Variants in SDK1 observed in about 807,000 individuals in gnomAD.
SDK1 encodes the protein protein sidekick-1.
SDK1 carries 157 observed loss-of-function variants against 245.5 expected under a neutral mutation model. The ratio of observed to expected loss-of-function variants is 0.64; its 90% CI spans 0.56 to 0.73. The LOEUF is 0.73. SDK1 is among the 30% of genes least tolerant of loss of function. The probability of loss-of-function intolerance (pLI) is 0.00; values close to 1 mark genes in which losing one functional copy is unlikely to be tolerated. For synonymous variants in SDK1, 1,647 were observed against 1,278.5 expected (o/e 1.29, Z -6.15); for missense variants, 3,583 against 3,002.3 (o/e 1.19, Z -4.52).
chr7:3,580,693 G>A (rs1025292026), intron 1 of SDK1, among the ~76,000 whole-genome samples: 2 of 152,138 alleles, frequency 1.3e-5, no homozygotes, highest in African/African-American at 4.8e-5. Flanking sequence ...GATGGGCTGG[G>A]CGTGGTGGCT....
intron 1 of SDK1, among the ~76,000 whole-genome samples, chr7:3,612,043 G>A (rs116282494): frequency 6.6e-6 from 1 of 152,112 alleles, no homozygotes; most frequent in Non-Finnish European, 1.5e-5. Flanking sequence ...TGGGAGCTAA[G>A]CTGTGAGGAT....
intron 40 of SDK1, among the ~76,000 whole-genome samples, chr7:4,231,746 C>T (rs1212334892): frequency 6.6e-6 from 1 of 152,116 alleles, no homozygotes; most frequent in African/African-American, 2.4e-5. Flanking sequence ...AGGACTTAGT[C>T]GGTGCACATT....
At position 3,954,811 on chromosome 7, in the gene SDK1, T is replaced by C. The variant is rs192220751; in HGVS notation, c.1150+2891T>C. On this transcript the variant is annotated intron_variant, in intron 7 of 44. Transcript: ENST00000404826. ...GCAAAAATGTCTGTCACAGAGGCTC[T>C]GAAATAGTGGCTTTAGTTGCTGTTG... Among the ~76,000 whole-genome samples the C allele has an allele frequency of 1.5e-3, 223 of 151,878 alleles. 1 individual carries two copies. Among genetic ancestry groups the C allele is most frequent in the African/African-American group, 5.3e-3 (218 of 41,456 alleles).
intron 14 of SDK1, among the ~76,000 whole-genome samples, chr7:4,005,755 G>T (rs907988927): frequency 3.3e-5 from 5 of 152,148 alleles, no homozygotes; most frequent in Admixed American, 3.3e-4. Context: ...TCCCTGCTGG[G>T]CTTGGTGGTT....
intron 1 of SDK1, among the ~76,000 whole-genome samples, chr7:3,509,671 C>T (rs1313687006): frequency 2.0e-5 from 3 of 152,196 alleles, no homozygotes; most frequent in Non-Finnish European, 4.4e-5. Context: ...CCTGCATCTT[C>T]ACTCAACACT....
intron 1 of SDK1, among the ~76,000 whole-genome samples, chr7:3,527,556 T>C (rs1041234187): frequency 6.6e-6 from 1 of 151,664 alleles, no homozygotes; most frequent in African/African-American, 2.4e-5. Flanking sequence ...AGTGGGTGAG[T>C]GGTAGGAGTT....
intron 4 of SDK1, among the ~76,000 whole-genome samples, chr7:3,710,618 A>G (rs1410683658): frequency 3.3e-5 from 5 of 152,250 alleles, no homozygotes; most frequent in African/African-American, 1.2e-4. Flanking sequence ...GTGAAATCTA[A>G]GGCAAACATT....
intron 1 of SDK1, among the ~76,000 whole-genome samples, chr7:3,535,708 A>G (rs1386327724): frequency 6.6e-6 from 1 of 152,176 alleles, no homozygotes; most frequent in African/African-American, 2.4e-5. Context: ...CTGTGTATGT[A>G]TATGCGTGTC....
intron 1 of SDK1, among the ~76,000 whole-genome samples, chr7:3,305,913 C>T (rs1156491973): frequency 1.3e-5 from 2 of 152,196 alleles, no homozygotes; most frequent in Admixed American, 6.5e-5. Context: ...TTGTTCTCAT[C>T]TTACCTATGG....
rs573201581 is a variant in SDK1, at chr7:3,645,191, C to T, written c.713+3086C>T. ...ATACATGCTAAAGCCTGTTTAATTC[C>T]TGGTGAGCTAATAAAGTAAAGATGC... is the stretch of plus-strand genomic sequence containing the variant. On this transcript the variant is annotated intron_variant, in intron 4 of 44. Coordinates refer to ENST00000404826, the MANE Select transcript of SDK1 (RefSeq NM_152744.4). 2.6e-5 allele frequency among the ~76,000 whole-genome samples: 4 copies of T among 152,198 alleles called. No homozygotes were observed. The South Asian group carries it at 8.3e-4, about 32-fold the overall frequency.
intron 5 of SDK1, among the ~76,000 whole-genome samples, chr7:3,903,355 G>A (rs1226901194): frequency 1.3e-5 from 2 of 152,042 alleles, no homozygotes; most frequent in African/African-American, 2.4e-5. Context: ...GTGTTAGCCA[G>A]GATGGTCTCG....
chr7:4,079,983 A>G (rs1394381412), intron 22 of SDK1, among the ~76,000 whole-genome samples: 1 of 152,194 alleles, frequency 6.6e-6, no homozygotes, highest in African/African-American at 2.4e-5. Flanking sequence ...ATATTTTTAG[A>G]GACGATTGTT....
At chr7:3,353,509 G>T (rs963529188) in intron 1 of SDK1, among the ~76,000 whole-genome samples, 3 of 152,136 alleles carry the variant, frequency 2.0e-5, no homozygotes, top group African/African-American at 7.2e-5. Flanking sequence ...TATGTTCTCT[G>T]TTTATGCTCT....
intron 4 of SDK1, among the ~76,000 whole-genome samples, chr7:3,646,137 G>A (rs1396930842): frequency 6.6e-6 from 1 of 152,146 alleles, no homozygotes; most frequent in African/African-American, 2.4e-5. Flanking sequence ...GATTATAGGC[G>A]TGAGCCACCA....
intron 1 of SDK1, among the ~76,000 whole-genome samples, chr7:3,441,029 G>A (rs940943618): frequency 1.1e-4 from 16 of 152,232 alleles, no homozygotes; most frequent in Admixed American, 3.9e-4. Context: ...CTAATGCTGC[G>A]TCACAATGCA....
At chr7:3,968,710 G>A (rs1782259056) in intron 10 of SDK1, among the ~76,000 whole-genome samples, 1 of 152,244 alleles carries the variant, frequency 6.6e-6, no homozygotes, top group Non-Finnish European at 1.5e-5. Flanking sequence ...CAAGTAGGAT[G>A]TTCTTGGTTT....
intron 4 of SDK1, among the ~76,000 whole-genome samples, chr7:3,782,348 G>A (rs900958283): frequency 3.1e-4 from 47 of 152,204 alleles, no homozygotes; most frequent in African/African-American, 9.4e-4. Flanking sequence ...CACTCATGAG[G>A]GATCTGTCCC....
chr7:4,141,226 G>T (rs950785929), intron 28 of SDK1, among the ~76,000 whole-genome samples: 1 of 152,160 alleles, frequency 6.6e-6, no homozygotes, highest in Non-Finnish European at 1.5e-5. Flanking sequence ...CAAAGGCAGG[G>T]CTCACCTTGG....
At chr7:3,797,458 T>C (rs1429407878) in intron 4 of SDK1, among the ~76,000 whole-genome samples, 10 of 147,600 alleles carry the variant, frequency 6.8e-5, no homozygotes, top group Admixed American at 2.0e-4. Flanking sequence ...GGGGTGTGTA[T>C]ACACACACAC....
Sources: allele counts gnomAD v4.1 joint callset (sites outside exome capture counted in the v4.1 genomes callset), GRCh38; gene constraint gnomAD v4.1.1; transcripts MANE v1.5; gene names NCBI Gene and HGNC (gene_info 2026-07-23, HGNC 2026-07-21).